Variants in INVS observed in about 807,000 individuals in gnomAD.
INVS encodes the protein inversin.
Under a neutral mutation model 108.8 loss-of-function variants are expected in INVS, and 86 were observed. That is an observed-to-expected ratio of 0.79 (90% CI 0.66 to 0.95). The LOEUF (loss-of-function observed/expected upper bound fraction) is 0.95. Ranked by LOEUF, INVS falls within the 40% of genes least tolerant of loss-of-function variation. The probability of loss-of-function intolerance (pLI) is 0.00; values close to 1 mark genes in which losing one functional copy is unlikely to be tolerated. For synonymous variants in INVS, 455 were observed against 473.5 expected (o/e 0.96, Z 0.51); for missense variants, 1,169 against 1,297.4 (o/e 0.90, Z 1.52).
chr9:100,165,587 C>T (rs559116776), intron 3 of INVS, among the ~76,000 whole-genome samples: 1 of 152,206 alleles, frequency 6.6e-6, no homozygotes, highest in South Asian at 2.1e-4. Context: ...CTGGCATCCT[C>T]CTAGGATAAT....
Position 100,229,657 on chromosome 9 carries a change from C to T in INVS, c.448-3C>T, listed in dbSNP as rs1193858364. The T allele has an allele frequency of 6.2e-7, 1 of 1,613,650 alleles. No homozygotes were observed. The highest frequency in any genetic ancestry group is 8.5e-7 in the Non-Finnish European group (1 of 1,179,694). On this transcript the variant is annotated splice_region_variant and splice_polypyrimidine_tract_variant and intron_variant, in intron 4 of 16. Coordinates refer to ENST00000262457, the MANE Select transcript of INVS (RefSeq NM_014425.5). ...TTATTTCGAGAACCTCTCGATTTTG[C>T]AGCAAACAGCTCTGCATTGGAGTGC... is the stretch of plus-strand genomic sequence containing the variant.
intron 3 of INVS, among the ~76,000 whole-genome samples, chr9:100,166,957 C>T (rs1434902054): frequency 1.3e-5 from 2 of 152,114 alleles, no homozygotes; most frequent in African/African-American, 4.8e-5. Context: ...AAGGATTTTC[C>T]AGTTGAGCGC....
chr9:100,146,195 G>A (rs867829824), intron 3 of INVS, among the ~76,000 whole-genome samples: 10 of 152,152 alleles, frequency 6.6e-5, no homozygotes, highest in Non-Finnish European at 1.3e-4. Context: ...GGGTGCAGGC[G>A]GGCTGAGTCT....
chr9:100,217,225 C>T (rs1269322688), intron 3 of INVS, among the ~76,000 whole-genome samples: 1 of 152,128 alleles, frequency 6.6e-6, no homozygotes, highest in Non-Finnish European at 1.5e-5. Flanking sequence ...ACAAGAATTG[C>T]TTGAACCCGG....
intron 8 of INVS, 107 bp from the exon 9 acceptor site, chr9:100,252,176 C>T: frequency 1.6e-6 from 2 of 1,247,088 alleles, no homozygotes; most frequent in South Asian, 2.4e-5. Context: ...ATGGAGATTG[C>T]ATTTATTCAA....
intron 9 of INVS, 93 bp from the exon 10 acceptor site, chr9:100,252,814 A>G (rs1832279511): frequency 1.2e-6 from 1 of 850,126 alleles, no homozygotes; most frequent in Non-Finnish European, 2.0e-6. Context: ...ATTTTAATAA[A>G]TGCATTTAAG....
chr9:100,215,175 T>C (rs1175058006), intron 3 of INVS: 1 of 152,198 alleles, frequency 6.6e-6, no homozygotes, highest in East Asian at 1.9e-4. Context: ...TGGGACCTTA[T>C]CAGTTGAACA....
intron 3 of INVS, chr9:100,176,124 G>A: frequency 2.2e-6 from 1 of 444,716 alleles, no homozygotes. Context: ...CTCCCCTCCT[G>A]CCTCCCTCAT....
intron 3 of INVS, among the ~76,000 whole-genome samples, chr9:100,217,605 TG>T (rs1378498214): frequency 5.9e-5 from 9 of 152,206 alleles, no homozygotes; most frequent in African/African-American, 2.2e-4. Context: ...GCATGACATC[TG>T]AAGAGTGCTA....
chr9:100,284,226 G>A, intron 12 of INVS, 94 bp from the exon 13 acceptor site: 1 of 1,413,940 alleles, frequency 7.1e-7, no homozygotes, highest in South Asian at 1.2e-5. Flanking sequence ...CTCCTGTGAT[G>A]TAGTAGCTCC....
intron 3 of INVS, among the ~76,000 whole-genome samples, chr9:100,184,959 A>G (rs568583347): frequency 2.0e-5 from 3 of 152,176 alleles, no homozygotes; most frequent in African/African-American, 4.8e-5. Flanking sequence ...TACCTGGGCA[A>G]TTCTGTGTAA....
chr9:100,234,889 C>A (rs918712187), intron 5 of INVS, among the ~76,000 whole-genome samples: 1 of 152,064 alleles, frequency 6.6e-6, no homozygotes, highest in Non-Finnish European at 1.5e-5. Context: ...TCCACTTGAT[C>A]CATAGCTGAG....
At chr9:100,284,857 G>C (rs967088855) in intron 13 of INVS, among the ~76,000 whole-genome samples, 6 of 151,586 alleles carry the variant, frequency 4.0e-5, no homozygotes, top group Admixed American at 1.3e-4. Context: ...TTCTTTTTTA[G>C]AGTGAAGTGT....
intron 3 of INVS, among the ~76,000 whole-genome samples, chr9:100,169,856 CA>C (rs1014619197): frequency 2.6e-4 from 40 of 152,216 alleles, no homozygotes; most frequent in Non-Finnish European, 4.7e-4. Context: ...GAAATAACTT[CA>C]AAAAATACTC....
At position 100,300,892 on chromosome 9, in the gene INVS, G is replaced by A; in HGVS notation, c.*218G>A. On this transcript the variant is annotated 3_prime_UTR_variant, in exon 17 of 17. Coordinates refer to ENST00000262457, the MANE Select transcript of INVS (RefSeq NM_014425.5). ...CAATCAACACAGCCTGCACTGAAAG[G>A]ACCTGCATAGACTATGTCTGTGCAA... 2 of 584,656 alleles carry A rather than the reference G, an allele frequency of 3.4e-6. No homozygotes were observed. Among genetic ancestry groups the A allele is most frequent in the Non-Finnish European group, 6.1e-6 (2 of 327,120 alleles). The allele number at this position is 584,656 out of a possible 1,614,324, so 36.2% of individuals were successfully genotyped here. A position where few individuals can be genotyped will look rare whatever the true frequency, so the allele number is the denominator to read the frequency against.
chr9:100,126,035 A>T (rs2118893999), intron 2 of INVS, among the ~76,000 whole-genome samples: 1 of 152,338 alleles, frequency 6.6e-6, no homozygotes, highest in African/African-American at 2.4e-5. Context: ...TGCCTAGTGT[A>T]CAATTGGCAT....
chr9:100,226,348 C>A, intron 4 of INVS, 113 bp downstream of exon 4: 2 of 826,664 alleles, frequency 2.4e-6, no homozygotes, highest in Non-Finnish European at 3.9e-6. Flanking sequence ...CATGGTAGAA[C>A]AATTCCAAAT....
In INVS at chr9:100,253,007, TA is replaced by T; in HGVS notation, c.1337del (p.Lys446ArgfsTer64). On this transcript the variant is annotated frameshift_variant, in exon 10 of 17. Transcript: ENST00000262457. LOFTEE classifies it high-confidence loss of function. Reference sequence around the variant, plus strand: ...ATGTTTGCCAGATATTAATAGAAAATAAGATCAATCCAAATGTCCAGGATTA... The same window carrying T: ...ATGTTTGCCAGATATTAATAGAAAATAGATCAATCCAAATGTCCAGGATTA... ...ADVCQILIEN[K>X]INPNVQDYAG... The T allele has an allele frequency of 6.2e-7, 1 of 1,613,890 alleles. No individual in the cohort carries two copies. Among genetic ancestry groups the T allele is most frequent in the Non-Finnish European group, 8.5e-7 (1 of 1,179,854 alleles).
chr9:100,121,099 GCTT>G (rs1827715079), intron 2 of INVS, among the ~76,000 whole-genome samples: 1 of 152,038 alleles, frequency 6.6e-6, no homozygotes, highest in Admixed American at 6.6e-5. Context: ...ATTGCAGTTT[GCTT>G]CTCCAAGGCC....
Sources: gnomAD v4.1 joint callset for allele counts (sites outside exome capture counted in the v4.1 genomes callset) on GRCh38, gnomAD v4.1.1 for gene constraint, MANE v1.5 for transcripts, NCBI Gene and HGNC (gene_info 2026-07-23, HGNC 2026-07-21) for gene names.